The following ZNF468 variants were observed in gnomAD, a reference collection of about 807,000 sequenced individuals.
The protein encoded by ZNF468 is zinc finger protein 468.
A neutral mutation model predicts 7.2 loss-of-function variants in ZNF468; 8 were observed. The ratio of observed to expected loss-of-function variants is 1.11; its 90% CI spans 0.65 to 2.01. ZNF468 has a LOEUF of 2.01. Among genes scored for constraint, ZNF468 ranks in the 30% most tolerant of loss-of-function variants. ZNF468 has a pLI of 0.00. For synonymous variants in ZNF468, 218 were observed against 214.4 expected (o/e 1.02, Z -0.15); for missense variants, 608 against 626.5 (o/e 0.97, Z 0.31).
intron 3 of ZNF468, among the ~76,000 whole-genome samples, chr19:52,846,888 C>G (rs1392013215): frequency 6.6e-6 from 1 of 152,048 alleles, no homozygotes; most frequent in African/African-American, 2.4e-5. Flanking sequence ...GCAGTTCCAG[C>G]TACTCAGGAA....
At position 52,840,284 on chromosome 19, in the gene ZNF468, CT is replaced by C. The variant is rs771742168; in HGVS notation, c.*440del. The C allele has an allele frequency of 2.7e-5, 11 of 407,288 alleles. No individual in the cohort carries two copies. Among genetic ancestry groups the C allele is most frequent in the Non-Finnish European group, 4.3e-5 (9 of 207,698 alleles). The allele number at this position is 407,288 out of a possible 1,614,324, so 25.2% of individuals were successfully genotyped here. On this transcript the variant is annotated 3_prime_UTR_variant, in exon 4 of 4. Transcript: ENST00000595646. ...TAAAAACCATGTCACATTCATTGTG[CT>C]TGTAAGGTTTCTCTCCACTATGAAT...
intron 3 of ZNF468, among the ~76,000 whole-genome samples, chr19:52,846,049 C>G (rs1260046370): frequency 6.6e-6 from 1 of 152,062 alleles, no homozygotes; most frequent in Non-Finnish European, 1.5e-5. Flanking sequence ...GATACAGAAA[C>G]TGGCATATGT....
At chr19:52,842,280 G>T in intron 3 of ZNF468, 129 bp from the exon 4 acceptor site, 1 of 782,956 alleles carries the variant, frequency 1.3e-6, no homozygotes, top group South Asian at 2.7e-5. Context: ...CAAAGTTTAG[G>T]AACACAAAAG....
In ZNF468 at chr19:52,841,906, G is replaced by T; in HGVS notation, c.388C>A (p.His130Asn). 4.3e-6 allele frequency: 7 copies of T among 1,614,042 alleles called. No homozygotes were observed. The highest frequency in any genetic ancestry group is 5.9e-6 in the Non-Finnish European group (7 of 1,180,010). Residue 130 changes from histidine to asparagine, a missense_variant, in exon 4 of 4, where the codon CAT becomes AAT. Coordinates refer to ENST00000595646, the MANE Select transcript of ZNF468 (RefSeq NM_001008801.2). Reference sequence around the variant, plus strand: ...TCTTTAATACGCTTGTTTCCAGCATGCCTTTGATCATGTTGGCCTGTACTA... The same window carrying T: ...TCTTTAATACGCTTGTTTCCAGCATTCCTTTGATCATGTTGGCCTGTACTA... The part of the protein sequence containing the change: ...AGSTGQHDQR[H>N]AGNKRIKDQL...
chr19:52,841,167 A>C lies in ZNF468; in HGVS notation c.1127T>G (p.Leu376Arg). ...RLSTLARHHRLHTGEKPYKCE... is the reference protein window; with the variant it reads ...RLSTLARHHRRHTGEKPYKCE... The stretch of plus-strand genomic sequence containing the variant: ...TTTGTAAGGTTTCTCTCCAGTATGA[A>C]GTCTATGATGGCGTGCAAGGGTTGA... The change falls in exon 4 of 4, where the codon CTT becomes CGT. Residue 376 changes from leucine (L) to arginine (R), a missense_variant. By Grantham distance (102) the Leu-to-Arg change is moderately radical (BLOSUM62 -2). Transcript: ENST00000595646. The C allele has an allele frequency of 6.2e-7, 1 of 1,613,328 alleles. No individual in the cohort carries two copies. Among genetic ancestry groups the C allele is most frequent in the Non-Finnish European group, 8.5e-7 (1 of 1,179,530 alleles).
At chr19:52,852,643 T>C (rs1202423835) in intron 2 of ZNF468, among the ~76,000 whole-genome samples, 1 of 151,532 alleles carries the variant, frequency 6.6e-6, no homozygotes, top group Admixed American at 6.6e-5. Flanking sequence ...ACCACTGCAC[T>C]CCAGCCTGGG....
In ZNF468 at chr19:52,838,598, AAG is replaced by A. The variant is rs1272100004; in HGVS notation, c.*2125_*2126del. The A allele has an allele frequency of 2.0e-5, 3 of 152,152 alleles. No homozygotes were observed. Among genetic ancestry groups the A allele is most frequent in the Admixed American group, 6.5e-5 (1 of 15,270 alleles). The allele number at this position is 152,152 out of a possible 1,614,324, so 9.4% of individuals were successfully genotyped here. ...ATGACCTTCTGTAAAGAAAATCACA[AAG>A]AGTCAGCCAAAATGCAACTGGAACT... On this transcript the variant is annotated 3_prime_UTR_variant, in exon 4 of 4. Coordinates refer to ENST00000595646, the MANE Select transcript of ZNF468 (RefSeq NM_001008801.2).
In ZNF468 at chr19:52,839,350, T is replaced by C. The variant is rs2063275379; in HGVS notation, c.*1375A>G. The C allele has an allele frequency of 4.6e-6, 1 of 217,294 alleles. No homozygotes were observed. The highest frequency in any genetic ancestry group is 5.4e-5 in the Admixed American group (1 of 18,438). The allele number at this position is 217,294 out of a possible 1,614,324, so 13.5% of individuals were successfully genotyped here. A position where few individuals can be genotyped will look rare whatever the true frequency, so the allele number is the denominator to read the frequency against. ...CTCGTGAGCTCCAGTGACCTACCTG[T>C]CTTTGCCTCTCAAAGTGCTGGAATT... On this transcript the variant is annotated 3_prime_UTR_variant, in exon 4 of 4. Transcript: ENST00000595646.
At chr19:52,851,543 C>G (rs1428291818) in intron 2 of ZNF468, among the ~76,000 whole-genome samples, 4 of 152,114 alleles carry the variant, frequency 2.6e-5, no homozygotes, top group Non-Finnish European at 5.9e-5. Flanking sequence ...CCACTGAACT[C>G]CAGCCTGGGC....
rs1024550131 is a variant in ZNF468, at chr19:52,840,198, C to T, written c.*527G>A. 5 of 380,974 alleles carry T rather than the reference C, an allele frequency of 1.3e-5. No individual in the cohort carries two copies. Among genetic ancestry groups the T allele is most frequent in the Admixed American group, 3.9e-5 (1 of 25,520 alleles). 23.6% of individuals were successfully genotyped at this position (380,974 alleles called of 1,614,324 possible). ...AATGAAAACTTTGTCACATTGTTCA[C>T]GTTTGTAAGATTTCTATGCAGTATG... On this transcript the variant is annotated 3_prime_UTR_variant, in exon 4 of 4. Transcript: ENST00000595646.
At chr19:52,843,274 C>A (rs923377243) in intron 3 of ZNF468, among the ~76,000 whole-genome samples, 12 of 151,982 alleles carry the variant, frequency 7.9e-5, no homozygotes, top group African/African-American at 2.9e-4. Flanking sequence ...CACTCTGTCA[C>A]CCAGGCTGGA....
At chr19:52,845,853 A>C (rs541711555) in intron 3 of ZNF468, among the ~76,000 whole-genome samples, 8 of 151,976 alleles carry the variant, frequency 5.3e-5, no homozygotes, top group African/African-American at 1.9e-4. Context: ...AAAACACAAA[A>C]TTAGATGGCT....
chr19:52,845,707 G>T (rs1270626218), intron 3 of ZNF468, among the ~76,000 whole-genome samples: 3 of 151,606 alleles, frequency 2.0e-5, no homozygotes, highest in Non-Finnish European at 4.4e-5. Context: ...CTCCAGTAAA[G>T]GTAAATAAAA....
At chr19:52,843,230 T>A (rs1182381959) in intron 3 of ZNF468, among the ~76,000 whole-genome samples, 2 of 151,674 alleles carry the variant, frequency 1.3e-5, no homozygotes, top group Admixed American at 6.6e-5. Flanking sequence ...TTTTAAAAAA[T>A]TTTTTGTATT....
intron 3 of ZNF468, 24 bp downstream of exon 3, chr19:52,849,063 C>T (rs751757392): frequency 3.1e-6 from 5 of 1,612,626 alleles, no homozygotes; most frequent in Non-Finnish European, 4.2e-6. Context: ...AAGGGCACAT[C>T]CCCAGGAGGG....
chr19:52,844,182 T>C (rs990538539), intron 3 of ZNF468, among the ~76,000 whole-genome samples: 1 of 152,160 alleles, frequency 6.6e-6, no homozygotes, highest in Non-Finnish European at 1.5e-5. Context: ...TGGTATTCTC[T>C]AAGAGGATGT....
At chr19:52,847,430 G>C (rs1176755119) in intron 3 of ZNF468, among the ~76,000 whole-genome samples, 1,731 of 51,596 alleles carry the variant, frequency 0.034, 139 homozygotes, top group African/African-American at 0.22. Context: ...TGGCCTCATG[G>C]GAAAGGAAAG....
At chr19:52,845,928 G>A (rs1228647597) in intron 3 of ZNF468, among the ~76,000 whole-genome samples, 5 of 151,960 alleles carry the variant, frequency 3.3e-5, no homozygotes, top group African/African-American at 4.8e-5. Flanking sequence ...AGTTGTACCC[G>A]AGACGCAGAG....
At chr19:52,850,595 G>A (rs113820231) in intron 2 of ZNF468, among the ~76,000 whole-genome samples, 1 of 151,224 alleles carries the variant, frequency 6.6e-6, no homozygotes, top group African/African-American at 2.4e-5. Flanking sequence ...GGAAGGAGAG[G>A]AGCACAAAAA....
Sources: allele counts gnomAD v4.1 joint callset (sites outside exome capture counted in the v4.1 genomes callset), GRCh38; gene constraint gnomAD v4.1.1; transcripts MANE v1.5; gene names NCBI Gene and HGNC (gene_info 2026-07-23, HGNC 2026-07-21).